The following MDN1 variants were observed in gnomAD, a reference collection of about 807,000 sequenced individuals.
MDN1 encodes midasin.
Under a neutral mutation model 669.2 loss-of-function variants are expected in MDN1, and 266 were observed. That is an observed-to-expected ratio of 0.40 (90% confidence interval 0.36 to 0.44). The LOEUF (loss-of-function observed/expected upper bound fraction) is 0.44. MDN1 is among the 20% of genes least tolerant of loss of function. MDN1 has a pLI of 1.00. For missense variants in MDN1, 5,940 were observed against 6,754.0 expected (o/e 0.88, Z 4.22); for synonymous variants, 2,385 against 2,457.1 (o/e 0.97, Z 0.87).
chr6:89,737,244 C>T (rs751283081), intron 33 of MDN1, among the ~76,000 whole-genome samples: 16 of 152,222 alleles, frequency 1.1e-4, no homozygotes, highest in Non-Finnish European at 4.4e-5. Context: ...AAGAATCAGT[C>T]GTCCCTAAAA....
At chr6:89,644,786 T>C (rs1181947353) in intron 101 of MDN1, among the ~76,000 whole-genome samples, 3 of 152,232 alleles carry the variant, frequency 2.0e-5, no homozygotes, top group Admixed American at 2.0e-4. Context: ...CCTCTATGTG[T>C]TTCAGTTCCT....
At chr6:89,727,548 G>A (rs932944639) in intron 37 of MDN1, among the ~76,000 whole-genome samples, 7 of 152,246 alleles carry the variant, frequency 4.6e-5, no homozygotes, top group East Asian at 1.9e-4. Context: ...ATGCAGAAAC[G>A]GCAAGCCTGT....
At position 89,762,489 on chromosome 6, in the gene MDN1, C is replaced by T. The variant is rs547581397; in HGVS notation, c.2186G>A (p.Arg729Gln). ...VDHKLIWLPL[R>Q]EAFEELFAQT... Reference sequence around the variant, plus strand: ...AGCAAAGAGTTCCTCAAATGCCTCCCGTAAGGGTAGCCAAATAAGCTTATG... The same window carrying T: ...AGCAAAGAGTTCCTCAAATGCCTCCTGTAAGGGTAGCCAAATAAGCTTATG... Residue 729 changes from arginine (R) to glutamine (Q), a missense_variant, in exon 16 of 102, where the codon CGG (arginine) becomes CAG (glutamine). This residue lies in a region of MDN1 where 1,203 missense variants were observed against 1,268.9 expected (regional missense o/e 0.95). Coordinates refer to ENST00000369393, the MANE Select transcript of MDN1 (RefSeq NM_014611.3). 6 of 1,614,008 alleles carry T rather than the reference C, an allele frequency of 3.7e-6. No homozygotes were observed. The South Asian group carries it at 4.4e-5, about 12-fold the overall frequency.
intron 89 of MDN1, 84 bp from the exon 90 acceptor site, chr6:89,658,454 C>T (rs1809486535): frequency 4.4e-6 from 7 of 1,573,588 alleles, no homozygotes. Context: ...CAGGCTTCCC[C>T]ACTCCTCACT....
At chr6:89,790,481 T>C (rs2128326485) in intron 5 of MDN1, 80 bp from the exon 6 acceptor site, 3 of 1,558,024 alleles carry the variant, frequency 1.9e-6, no homozygotes, top group South Asian at 2.3e-5. Context: ...GTAAGCCTTC[T>C]ACTAACCTTA....
intron 86 of MDN1, 55 bp downstream of exon 86, chr6:89,662,737 G>T: frequency 6.4e-7 from 1 of 1,570,708 alleles, no homozygotes; most frequent in Non-Finnish European, 8.7e-7. Flanking sequence ...ATGGTAGGTT[G>T]TGGGCAGATT....
At chr6:89,727,565 C>T (rs1242531676) in intron 37 of MDN1, among the ~76,000 whole-genome samples, 1 of 152,156 alleles carries the variant, frequency 6.6e-6, no homozygotes, top group African/African-American at 2.4e-5. Flanking sequence ...CTGTCAGAGA[C>T]TAAACTAGTG....
At position 89,713,297 on chromosome 6, in the gene MDN1, C is replaced by A; in HGVS notation, c.7070-1G>T. The A allele has an allele frequency of 1.3e-6, 2 of 1,599,926 alleles. No individual in the cohort carries two copies. The highest frequency in any genetic ancestry group is 1.7e-6 in the Non-Finnish European group (2 of 1,175,342). Reference sequence around the variant, plus strand: ...GTTGATACAGAAGATGTTGGAGAACCTATTAAAAAAAAATTGCCATCTATA... The same window carrying A: ...GTTGATACAGAAGATGTTGGAGAACATATTAAAAAAAAATTGCCATCTATA... On this transcript the variant is annotated splice_acceptor_variant, in intron 46 of 101. Coordinates refer to ENST00000369393, the MANE Select transcript of MDN1 (RefSeq NM_014611.3). LOFTEE classifies it high-confidence loss of function.
chr6:89,663,913 G>C (rs1421141570), intron 85 of MDN1, among the ~76,000 whole-genome samples: 1 of 147,288 alleles, frequency 6.8e-6, no homozygotes, highest in Non-Finnish European at 1.5e-5. Context: ...CTGTACTCTA[G>C]TCTGGGGGAC....
intron 17 of MDN1, among the ~76,000 whole-genome samples, chr6:89,760,849 G>A (rs1817506174): frequency 6.6e-6 from 1 of 152,134 alleles, no homozygotes; most frequent in East Asian, 1.9e-4. Flanking sequence ...GAGAGTTAGG[G>A]AGTACAGAGT....
At chr6:89,753,408 C>A in intron 22 of MDN1, 104 bp downstream of exon 22, 1 of 854,854 alleles carries the variant, frequency 1.2e-6, no homozygotes, top group South Asian at 1.7e-5. Context: ...AACAGATTAC[C>A]TTTATAATTA....
At chr6:89,781,099 G>T (rs368480298) in intron 10 of MDN1, 3 of 372,070 alleles carry the variant, frequency 8.1e-6, no homozygotes, top group East Asian at 5.8e-5. Context: ...AAAGAATTAT[G>T]TTAGGAGCCA....
intron 83 of MDN1, 134 bp from the exon 84 acceptor site, chr6:89,668,285 G>A (rs1175231417): frequency 2.7e-6 from 3 of 1,103,724 alleles, no homozygotes; most frequent in Non-Finnish European, 3.8e-6. Flanking sequence ...AAATCCGCTG[G>A]AAGTACAGGA....
intron 49 of MDN1, 84 bp from the exon 50 acceptor site, chr6:89,710,878 G>C (rs1813860263): frequency 1.3e-6 from 1 of 770,740 alleles, no homozygotes; most frequent in Non-Finnish European, 2.1e-6. Context: ...ATGTTCTACA[G>C]CTGCATAGAA....
intron 32 of MDN1, among the ~76,000 whole-genome samples, chr6:89,739,625 C>T (rs1816179538): frequency 6.6e-6 from 1 of 152,212 alleles, no homozygotes; most frequent in African/African-American, 2.4e-5. Flanking sequence ...GACTTCTCCA[C>T]TGAAAGGTTT....
chr6:89,744,381 G>A (rs1403855698), intron 29 of MDN1, among the ~76,000 whole-genome samples: 2 of 152,118 alleles, frequency 1.3e-5, no homozygotes, highest in Non-Finnish European at 2.9e-5. Flanking sequence ...AGGAGTTCAA[G>A]ACCAGTCTGG....
In MDN1 at chr6:89,819,782, G is replaced by C; in HGVS notation, c.-175C>G. On this transcript the variant is annotated 5_prime_UTR_variant, in exon 1 of 102. Transcript: ENST00000369393. Reference sequence around the variant, plus strand: ...CACCACACGTGGGTGAGCACACGGCGTTTGACGTCATCAGCTCGGGACGGC... The same window carrying C: ...CACCACACGTGGGTGAGCACACGGCCTTTGACGTCATCAGCTCGGGACGGC... 1.7e-6 allele frequency: 1 copy of C among 599,476 alleles called. No individual in the cohort carries two copies. The allele number at this position is 599,476 out of a possible 1,614,324, so 37.1% of individuals were successfully genotyped here. A position where few individuals can be genotyped will look rare whatever the true frequency, so the allele number is the denominator to read the frequency against.
At chr6:89,686,424 C>A (rs1178321167) in intron 69 of MDN1, among the ~76,000 whole-genome samples, 1 of 148,632 alleles carries the variant, frequency 6.7e-6, no homozygotes, top group Non-Finnish European at 1.5e-5. Flanking sequence ...GACTCTGTCT[C>A]AAAAAAAAAT....
intron 71 of MDN1, among the ~76,000 whole-genome samples, chr6:89,684,651 T>A (rs1313552484): frequency 6.6e-6 from 1 of 152,226 alleles, no homozygotes; most frequent in African/African-American, 2.4e-5. Flanking sequence ...GGCAGTCCTC[T>A]GAGGAGGCTC....
Sources: gnomAD v4.1 joint callset for allele counts (sites outside exome capture counted in the v4.1 genomes callset) on GRCh38, gnomAD v4.1.1 for gene constraint, gnomAD v4.1.1 regional missense constraint, MANE v1.5 for transcripts, NCBI Gene and HGNC (gene_info 2026-07-23, HGNC 2026-07-21) for gene names.